The following RAB3GAP2 variants were observed in gnomAD, a reference collection of about 807,000 sequenced individuals.
RAB3GAP2 encodes the protein RAB3 GTPase activating non-catalytic protein subunit 2.
RAB3GAP2 carries 87 observed loss-of-function variants against 185.3 expected under a neutral mutation model. That is an observed-to-expected ratio of 0.47 (90% CI 0.39 to 0.56). RAB3GAP2 has a LOEUF of 0.56. Among genes scored for constraint, RAB3GAP2 ranks in the 20% least tolerant of loss-of-function variants. The pLI is 0.00. For missense variants in RAB3GAP2, 1,492 were observed against 1,638.2 expected (o/e 0.91, Z 1.54); for synonymous variants, 554 against 576.1 (o/e 0.96, Z 0.55).
intron 1 of RAB3GAP2, among the ~76,000 whole-genome samples, chr1:220,236,867 G>A (rs1297267801): frequency 2.6e-5 from 4 of 152,038 alleles, no homozygotes; most frequent in Admixed American, 6.6e-5. Context: ...CCAAAGCAAT[G>A]TTCAACATAA....
rs1009854592 is a variant in RAB3GAP2, at chr1:220,153,823, C to G, written c.3645+145G>C. 3.8e-6 allele frequency: 4 copies of G among 1,047,350 alleles called. No homozygotes were observed. The African/African-American group carries it at 6.5e-5, about 17-fold the overall frequency. The allele number at this position is 1,047,350 out of a possible 1,614,324, so 64.9% of individuals were successfully genotyped here. A position where few individuals can be genotyped will look rare whatever the true frequency, so the allele number is the denominator to read the frequency against. On this transcript the variant is annotated intron_variant, in intron 32 of 34. Coordinates refer to ENST00000358951, the MANE Select transcript of RAB3GAP2 (RefSeq NM_012414.4). ...GTGTCCAAGTGTTCTCATTGTTCAACTCCCACCTATGAGTGAGAACATGTG... is the reference window on the plus strand; with the variant it reads ...GTGTCCAAGTGTTCTCATTGTTCAAGTCCCACCTATGAGTGAGAACATGTG...
rs1657894825 is a variant in RAB3GAP2, at chr1:220,158,174, G to A, written c.3262-298C>T. Among the ~76,000 whole-genome samples, 1 of 152,176 alleles carries A rather than the reference G, an allele frequency of 6.6e-6. No individual in the cohort carries two copies. The highest frequency in any genetic ancestry group is 2.4e-5 in the African/African-American group (1 of 41,438). On this transcript the variant is annotated intron_variant, in intron 29 of 34. Coordinates refer to ENST00000358951, the MANE Select transcript of RAB3GAP2 (RefSeq NM_012414.4). The surrounding 1 kb of genome is among the most constrained non-coding windows in gnomAD (Gnocchi z 4.3). The stretch of plus-strand genomic sequence containing the variant: ...AGTTACTATAGATGGTGGCACTTCT[G>A]AGCTCACTGTTCAGCTTGCTAAGGC...
chr1:220,257,024 A>G (rs1660042799), intron 1 of RAB3GAP2, among the ~76,000 whole-genome samples: 1 of 152,266 alleles, frequency 6.6e-6, no homozygotes, highest in Admixed American at 6.5e-5. Flanking sequence ...CAAATGCAAA[A>G]GAACTGAAAT....
chr1:220,257,154 G>A (rs1289949032), intron 1 of RAB3GAP2, among the ~76,000 whole-genome samples: 3 of 152,136 alleles, frequency 2.0e-5, no homozygotes, highest in Admixed American at 1.3e-4. Flanking sequence ...TGAGGTGGGC[G>A]GATCACGAGG....
At chr1:220,214,946 T>TTATATATATATATATATATATATA (rs10526805) in intron 2 of RAB3GAP2, among the ~76,000 whole-genome samples, 11 of 89,598 alleles carry the variant, frequency 1.2e-4, no homozygotes, top group Admixed American at 4.9e-4. Flanking sequence ...AATAGTAGCA[T>TTATATATATATATATATATATATA]TATATATATA....
chr1:220,226,229 TC>T (rs1270404792), intron 2 of RAB3GAP2, among the ~76,000 whole-genome samples: 2 of 152,164 alleles, frequency 1.3e-5, no homozygotes, highest in African/African-American at 4.8e-5. Context: ...AGTCTATACT[TC>T]CTACCATTGG....
At chr1:220,197,277 T>C (rs1416009687) in intron 9 of RAB3GAP2, among the ~76,000 whole-genome samples, 1 of 152,164 alleles carries the variant, frequency 6.6e-6, no homozygotes, top group Non-Finnish European at 1.5e-5. Flanking sequence ...TGTGAGCCAC[T>C]GTGCCCAGCC....
At chr1:220,253,075 G>A (rs1659968497) in intron 1 of RAB3GAP2, among the ~76,000 whole-genome samples, 1 of 152,214 alleles carries the variant, frequency 6.6e-6, no homozygotes, top group Non-Finnish European at 1.5e-5. Flanking sequence ...AGGCACTCCA[G>A]CCTGCTGGCT....
intron 2 of RAB3GAP2, among the ~76,000 whole-genome samples, chr1:220,214,945 ATTAT>A (rs1355491095): frequency 5.7e-5 from 1 of 17,576 alleles, no homozygotes; most frequent in Non-Finnish European, 9.6e-5. Flanking sequence ...GAATAGTAGC[ATTAT>A]ATATATATAT....
intron 17 of RAB3GAP2, among the ~76,000 whole-genome samples, chr1:220,187,819 A>G (rs552439423): frequency 6.6e-6 from 1 of 152,164 alleles, no homozygotes; most frequent in African/African-American, 2.4e-5. Flanking sequence ...ACGTTCAAGT[A>G]AAACGTTTCC....
At chr1:220,210,568 C>T in intron 6 of RAB3GAP2, 79 bp from the exon 7 acceptor site, 1 of 1,157,928 alleles carries the variant, frequency 8.6e-7, no homozygotes, top group Non-Finnish European at 1.3e-6. Context: ...CAAAGAGTAC[C>T]ATTTCCCCAA....
chr1:220,248,984 C>T (rs1659878338), intron 1 of RAB3GAP2, among the ~76,000 whole-genome samples: 1 of 152,226 alleles, frequency 6.6e-6, no homozygotes, highest in South Asian at 2.1e-4. Flanking sequence ...GTCAGTTAAA[C>T]TTCTTTCCTT....
rs114659275 is a variant in RAB3GAP2, at chr1:220,191,828, A to G, written c.1271-544T>C. On this transcript the variant is annotated intron_variant, in intron 13 of 34. Coordinates refer to ENST00000358951, the MANE Select transcript of RAB3GAP2 (RefSeq NM_012414.4). ...AGCGAAACTCTCTAAAAAAAAAAAA[A>G]AGAGAAAAGATTATAGATATAATTG... Among the ~76,000 whole-genome samples, 847 of 152,092 alleles carry G rather than the reference A, an allele frequency of 5.6e-3. 12 individuals carry two copies. The highest frequency in any genetic ancestry group is 0.019 in the African/African-American group (786 of 41,504).
chr1:220,164,175 C>T (rs1658019716), intron 27 of RAB3GAP2, among the ~76,000 whole-genome samples: 1 of 152,138 alleles, frequency 6.6e-6, no homozygotes, highest in African/African-American at 2.4e-5. Flanking sequence ...TCTTATTAGG[C>T]TTTTGGCTAC....
At chr1:220,254,286 A>T in intron 1 of RAB3GAP2, 1 of 1,613,544 alleles carries the variant, frequency 6.2e-7, no homozygotes, top group Non-Finnish European at 8.5e-7. Context: ...AATTTGAGAG[A>T]CCACAGTATG....
intron 2 of RAB3GAP2, among the ~76,000 whole-genome samples, chr1:220,215,846 A>G (rs1439376330): frequency 6.6e-6 from 1 of 152,054 alleles, no homozygotes; most frequent in Non-Finnish European, 1.5e-5. Flanking sequence ...AGGGAAAGGG[A>G]GGGGAAAGCT....
intron 1 of RAB3GAP2, chr1:220,253,993 C>A: frequency 1.9e-6 from 3 of 1,613,708 alleles, no homozygotes; most frequent in Non-Finnish European, 2.5e-6. Context: ...CCGGGTAGAT[C>A]CTACTGTTGA....
In RAB3GAP2 at chr1:220,171,771, G is replaced by A. The variant is rs538834685; in HGVS notation, c.2577+118C>T. 48 of 1,094,102 alleles carry A rather than the reference G, an allele frequency of 4.4e-5. No homozygotes were observed. In the East Asian group the frequency reaches 1.1e-3, roughly 26 times the overall value. 67.8% of individuals were successfully genotyped at this position (1,094,102 alleles called of 1,614,324 possible). On this transcript the variant is annotated intron_variant, in intron 23 of 34. Coordinates refer to ENST00000358951, the MANE Select transcript of RAB3GAP2 (RefSeq NM_012414.4). The stretch of plus-strand genomic sequence containing the variant: ...TCATTCTCAATAAAGAAATTAAGGG[G>A]AGCACCTCTCATCCCTCTCCCCGCT...
intron 1 of RAB3GAP2, among the ~76,000 whole-genome samples, chr1:220,256,816 A>T (rs1444661750): frequency 6.6e-6 from 1 of 152,208 alleles, no homozygotes; most frequent in Non-Finnish European, 1.5e-5. Flanking sequence ...AGATTTTAAC[A>T]CCAACTGACA....
Sources: allele counts gnomAD v4.1 joint callset (sites outside exome capture counted in the v4.1 genomes callset), GRCh38; gene constraint gnomAD v4.1.1; non-coding constraint Gnocchi (gnomAD v3.1); transcripts MANE v1.5; gene names NCBI Gene and HGNC (gene_info 2026-07-23, HGNC 2026-07-21).